The following RAB11FIP4 variants were observed in gnomAD, a reference collection of about 807,000 sequenced individuals.
The protein encoded by RAB11FIP4 is rab11 family-interacting protein 4.
In RAB11FIP4, 23 loss-of-function variants were observed where a neutral mutation model predicts 74.3. That is an observed-to-expected ratio of 0.31 (90% CI 0.22 to 0.44). RAB11FIP4 has a LOEUF of 0.44. Ranked by LOEUF, RAB11FIP4 falls within the 20% of genes least tolerant of loss-of-function variation. The probability of loss-of-function intolerance (pLI) is 1.00; values close to 1 mark genes in which losing one functional copy is unlikely to be tolerated. For missense variants in RAB11FIP4, 630 were observed against 863.9 expected (o/e 0.73, Z 3.39); for synonymous variants, 360 against 359.9 (o/e 1.00, Z 0.00).
chr17:31,514,082 C>G (rs1368990552), intron 3 of RAB11FIP4, among the ~76,000 whole-genome samples: 1 of 152,224 alleles, frequency 6.6e-6, no homozygotes, highest in Non-Finnish European at 1.5e-5. Context: ...AAAGCCTGCC[C>G]GAGGAGGTGG....
chr17:31,537,901 G>A lies in RAB11FIP4; in HGVS notation c.*6169G>A, dbSNP rs929078608. The A allele has an allele frequency of 6.5e-6, 1 of 152,728 alleles. No homozygotes were observed. The highest frequency in any genetic ancestry group is 2.4e-5 in the African/African-American group (1 of 41,438). 9.5% of individuals were successfully genotyped at this position (152,728 alleles called of 1,614,324 possible). ...TGGCTGGGTCTTCTGAGGCCTACGT[G>A]GAATGAACTACACATGTGGCCTCAT... On this transcript the variant is annotated 3_prime_UTR_variant, in exon 15 of 15. Coordinates refer to ENST00000621161, the MANE Select transcript of RAB11FIP4 (RefSeq NM_032932.6).
intron 3 of RAB11FIP4, among the ~76,000 whole-genome samples, chr17:31,517,173 G>T (rs1302865705): frequency 7.2e-6 from 1 of 138,646 alleles, no homozygotes; most frequent in Non-Finnish European, 1.6e-5. Context: ...GAAAAGGTTG[G>T]GGGGCGAGGA....
At chr17:31,435,004 G>T (rs939444820) in intron 3 of RAB11FIP4, among the ~76,000 whole-genome samples, 1 of 125,182 alleles carries the variant, frequency 8.0e-6, no homozygotes. Context: ...TGGGCAAGAT[G>T]ATGAGACCCC....
At chr17:31,435,579 TG>T (rs760319302) in intron 3 of RAB11FIP4, among the ~76,000 whole-genome samples, 6 of 151,696 alleles carry the variant, frequency 4.0e-5, no homozygotes, top group Non-Finnish European at 5.9e-5. Flanking sequence ...CCAGTTCTGA[TG>T]GGTGCCTCCT....
At chr17:31,508,459 T>C (rs2007889) in intron 3 of RAB11FIP4, among the ~76,000 whole-genome samples, 126,769 of 152,226 alleles carry the variant, frequency 0.83, 53,191 homozygotes, top group East Asian at 0.95. Flanking sequence ...TCAGCAGGCT[T>C]CTGGGAGTGG....
At chr17:31,496,544 C>T (rs932497183) in intron 3 of RAB11FIP4, among the ~76,000 whole-genome samples, 4 of 152,234 alleles carry the variant, frequency 2.6e-5, no homozygotes, top group African/African-American at 4.8e-5. Context: ...CCTCGTCCTT[C>T]TCCCCCTTTG....
intron 3 of RAB11FIP4, among the ~76,000 whole-genome samples, chr17:31,500,387 G>A (rs9912887): frequency 0.43 from 64,750 of 151,958 alleles, 13,940 homozygotes; most frequent in East Asian, 0.56. Context: ...CCACAACAGA[G>A]GGAGGAAAAT....
intron 3 of RAB11FIP4, among the ~76,000 whole-genome samples, chr17:31,480,196 C>T (rs974306992): frequency 1.8e-4 from 27 of 152,144 alleles, no homozygotes; most frequent in African/African-American, 5.3e-4. Context: ...AAGCCCTCGG[C>T]GGCTGCACAT....
In RAB11FIP4 at chr17:31,521,184, A is replaced by G; in HGVS notation, c.582A>G (p.Pro194=). 1.2e-6 allele frequency: 2 copies of G among 1,603,370 alleles called. No homozygotes were observed. Among genetic ancestry groups the G allele is most frequent in the Non-Finnish European group, 1.7e-6 (2 of 1,173,388 alleles). ...CCCTCAGGTCCCTGGTCCACACTCCATCCATGACGACCTCAGACCTTTCTA... is the reference window on the plus strand; with the variant it reads ...CCCTCAGGTCCCTGGTCCACACTCCGTCCATGACGACCTCAGACCTTTCTA... ...LPEDKSLVHT[P]SMTTSDLSTH... is the part of the protein sequence containing the mutation. The change falls in exon 5 of 15, where the codon CCA becomes CCG. Residue 194 remains proline, a synonymous_variant. Coordinates refer to ENST00000621161, the MANE Select transcript of RAB11FIP4 (RefSeq NM_032932.6).
rs541059616 is a variant in RAB11FIP4 at position 31,434,118 on chromosome 17, A to C, written c.332A>C (p.Glu111Ala). ...GCGCCAGAGATCCCAGACTGCGTGGAGCAGGTAAGGCTTGGGGGGCCTCAA... is the reference window on the plus strand; with the variant it reads ...GCGCCAGAGATCCCAGACTGCGTGGCGCAGGTAAGGCTTGGGGGGCCTCAA... ...PCAPEIPDCV[E>A]QGSEVTGPTF... is the part of the protein sequence containing the mutation. Residue 111 changes from glutamate (E) to alanine (A), a missense_variant, in exon 3 of 15, where the codon GAG (glutamate) becomes GCG (alanine). Transcript: ENST00000621161. 6.3e-7 allele frequency: 1 copy of C among 1,577,644 alleles called. No individual in the cohort carries two copies. The highest frequency in any genetic ancestry group is 1.8e-5 in the Admixed American group (1 of 54,376).
intron 4 of RAB11FIP4, 169 bp from the exon 5 acceptor site, chr17:31,520,997 T>G: frequency 2.1e-6 from 1 of 482,606 alleles, no homozygotes; most frequent in Non-Finnish European, 3.6e-6. Flanking sequence ...GTTTCTGTGG[T>G]GAGATGTTTC....
At chr17:31,477,996 C>CT (rs35308777) in intron 3 of RAB11FIP4, among the ~76,000 whole-genome samples, 80,630 of 132,582 alleles carry the variant, frequency 0.61, 25,097 homozygotes, top group East Asian at 0.82. Flanking sequence ...GCTGTTAATA[C>CT]TTTTTTTTTT....
chr17:31,481,249 C>T (rs1226076294), intron 3 of RAB11FIP4, among the ~76,000 whole-genome samples: 1 of 152,058 alleles, frequency 6.6e-6, no homozygotes, highest in Non-Finnish European at 1.5e-5. Context: ...ACTGCCAACA[C>T]CTGGCTTCCA....
At chr17:31,458,154 A>G (rs988682832) in intron 3 of RAB11FIP4, among the ~76,000 whole-genome samples, 6 of 152,228 alleles carry the variant, frequency 3.9e-5, no homozygotes, top group African/African-American at 1.4e-4. Flanking sequence ...GTGCAGGGCC[A>G]GGATTTTTAG....
intron 3 of RAB11FIP4, among the ~76,000 whole-genome samples, chr17:31,461,834 C>T (rs2071636911): frequency 6.6e-6 from 1 of 152,164 alleles, no homozygotes; most frequent in South Asian, 2.1e-4. Context: ...AATCGAAACC[C>T]ATTTCTACTG....
At chr17:31,469,012 A>T (rs995867375) in intron 3 of RAB11FIP4, among the ~76,000 whole-genome samples, 1 of 152,176 alleles carries the variant, frequency 6.6e-6, no homozygotes, top group Non-Finnish European at 1.5e-5. Context: ...ATGAGCTCAT[A>T]TTTGAGCTCC....
At chr17:31,437,074 G>A (rs991519303) in intron 3 of RAB11FIP4, among the ~76,000 whole-genome samples, 4 of 152,066 alleles carry the variant, frequency 2.6e-5, no homozygotes, top group South Asian at 2.1e-4. Context: ...TAAGCTTCTC[G>A]TGGGTGAACT....
intron 3 of RAB11FIP4, among the ~76,000 whole-genome samples, chr17:31,472,503 C>A (rs923432360): frequency 9.9e-5 from 15 of 152,236 alleles, no homozygotes; most frequent in Non-Finnish European, 1.5e-5. Context: ...TGAATCCCAG[C>A]CGCACACCAG....
intron 3 of RAB11FIP4, among the ~76,000 whole-genome samples, chr17:31,508,510 G>A (rs2072395317): frequency 6.6e-6 from 1 of 152,236 alleles, no homozygotes; most frequent in African/African-American, 2.4e-5. Flanking sequence ...GGGCTGGACA[G>A]GTGTGGAATG....
Sources: allele counts gnomAD v4.1 joint callset (sites outside exome capture counted in the v4.1 genomes callset), GRCh38; gene constraint gnomAD v4.1.1; transcripts MANE v1.5; gene names NCBI Gene and HGNC (gene_info 2026-07-23, HGNC 2026-07-21).